Variants in MEGF8 observed in about 807,000 individuals in gnomAD.
MEGF8 encodes multiple epidermal growth factor-like domains protein 8.
In MEGF8, 156 loss-of-function variants were observed where a neutral mutation model predicts 302.9. That is an observed-to-expected ratio of 0.52 (90% CI 0.45 to 0.59). The LOEUF is 0.59. Among genes scored for constraint, MEGF8 ranks in the 20% least tolerant of loss-of-function variants. The pLI is 0.00. For missense variants in MEGF8, 3,345 were observed against 3,964.5 expected (o/e 0.84, Z 4.20); for synonymous variants, 1,621 against 1,660.5 (o/e 0.98, Z 0.58).
Position 42,369,785 on chromosome 19 carries a change from C to T in MEGF8, c.6834+62C>T. On this transcript the variant is annotated intron_variant, in intron 38 of 41. Transcript: ENST00000251268. The surrounding 1 kb of genome is among the most constrained non-coding windows in gnomAD (Gnocchi z 5.7). ...ACCCAGGCCCTCACTTGCCTTCATC[C>T]CACGCTCAGGCGGCTCGCATCTCAT... 6.7e-7 allele frequency: 1 copy of T among 1,502,232 alleles called. No individual in the cohort carries two copies. The highest frequency in any genetic ancestry group is 2.4e-5 in the East Asian group (1 of 40,822). The allele number at this position is 1,502,232 out of a possible 1,614,324, so 93.1% of individuals were successfully genotyped here.
In MEGF8 at chr19:42,356,364, G is replaced by A. The variant is rs768338029; in HGVS notation, c.4533G>A (p.Leu1511=). The A allele has an allele frequency of 6.2e-7, 1 of 1,613,198 alleles. No homozygotes were observed. Among genetic ancestry groups the A allele is most frequent in the Admixed American group, 1.7e-5 (1 of 59,918 alleles). The part of the protein sequence containing the change: ...ADTASRFLHR[L]GHTMVDGPDA... Reference sequence around the variant, plus strand: ...CTGCCAGCCGCTTCCTGCACCGCCTGGGCCACACCATGGTGGATGGACCCG... The same window carrying A: ...CTGCCAGCCGCTTCCTGCACCGCCTAGGCCACACCATGGTGGATGGACCCG... Residue 1511 remains leucine, a synonymous_variant, in exon 26 of 42, where the codon CTG becomes CTA. Transcript: ENST00000251268. The surrounding 1 kb of genome is among the most constrained non-coding windows in gnomAD (Gnocchi z 5.2).
At position 42,337,133 on chromosome 19, in the gene MEGF8, C is replaced by T. The variant is rs767243118; in HGVS notation, c.1440C>T (p.Gly480=). ...AGGAGGAAAAGTGCTACGAAGATGG[C>T]ATCTTCTTCTACCACCTTGGCTGCC... ...HYQEEKCYED[G]IFFYHLGCHQ... Residue 480 remains glycine, a synonymous_variant, in exon 8 of 42, where the codon GGC becomes GGT. Transcript: ENST00000251268. The T allele has an allele frequency of 2.5e-6, 4 of 1,614,008 alleles. No individual in the cohort carries two copies. The highest frequency in any genetic ancestry group is 1.3e-5 in the African/African-American group (1 of 75,046).
Position 42,358,445 on chromosome 19 carries a change from A to G in MEGF8, c.5175+138A>G, listed in dbSNP as rs1030892347. The G allele has an allele frequency of 8.9e-7, 1 of 1,129,414 alleles. No individual in the cohort carries two copies. Among genetic ancestry groups the G allele is most frequent in the Non-Finnish European group, 1.2e-6 (1 of 822,034 alleles). The allele number at this position is 1,129,414 out of a possible 1,614,324, so 70.0% of individuals were successfully genotyped here. A position where few individuals can be genotyped will look rare whatever the true frequency, so the allele number is the denominator to read the frequency against. ...TGTTCCCTAACTAAGCGACACCCCC[A>G]CATCTCCCCCGCTTCCATCCCTGAT... On this transcript the variant is annotated intron_variant, in intron 29 of 41. Transcript: ENST00000251268. The surrounding 1 kb of genome is among the most constrained non-coding windows in gnomAD (Gnocchi z 4.4).
At chr19:42,339,471 T>C (rs2039182081) in intron 8 of MEGF8, among the ~76,000 whole-genome samples, 3 of 152,214 alleles carry the variant, frequency 2.0e-5, no homozygotes, top group Admixed American at 2.0e-4. Flanking sequence ...TGATTAGTGA[T>C]ATTGAGCATT....
At position 42,360,777 on chromosome 19, in the gene MEGF8, T is replaced by C. The variant is rs1270404536; in HGVS notation, c.5491T>C (p.Ser1831Pro). The C allele has an allele frequency of 6.3e-7, 1 of 1,578,398 alleles. No homozygotes were observed. The highest frequency in any genetic ancestry group is 8.6e-7 in the Non-Finnish European group (1 of 1,162,364). ...NAWLLPDLTR[S>P]ASVGPPMEES... is the part of the protein sequence containing the mutation. Reference sequence around the variant, plus strand: ...CTGAATACACCATCTTTCCTCAGGCTCGGCCTCTGTGGGGCCCCCAATGGA... The same window carrying C: ...CTGAATACACCATCTTTCCTCAGGCCCGGCCTCTGTGGGGCCCCCAATGGA... The change falls in exon 32 of 42, where the codon TCG (serine) becomes CCG (proline). Residue 1831 changes from serine (S) to proline (P), a missense_variant and splice_region_variant. Physicochemically the swap from Ser to Pro is moderately conservative, Grantham distance 74. Transcript: ENST00000251268.
In MEGF8 at chr19:42,353,363, C is replaced by G; in HGVS notation, c.3551-102C>G. On this transcript the variant is annotated intron_variant, in intron 20 of 41. Coordinates refer to ENST00000251268, the MANE Select transcript of MEGF8 (RefSeq NM_001271938.2). The surrounding 1 kb of genome is among the most constrained non-coding windows in gnomAD (Gnocchi z 6.1). ...CCTGATCTGGGCCTTGGTTTCTCAC[C>G]TTTGAAGCGGCTGGGTGGGGTCAGG... is the stretch of plus-strand genomic sequence containing the variant. 1 of 1,374,464 alleles carries G rather than the reference C, an allele frequency of 7.3e-7. No homozygotes were observed. The highest frequency in any genetic ancestry group is 9.9e-7 in the Non-Finnish European group (1 of 1,009,012). The allele number at this position is 1,374,464 out of a possible 1,614,324, so 85.1% of individuals were successfully genotyped here.
At position 42,326,094 on chromosome 19, in the gene MEGF8, C is replaced by T; in HGVS notation, c.-150C>T. ...TGTCAGCAGTGGCCGTACCCTTCGC[C>T]GGGACTGCCGGGTCTCCGGGACCTC... On this transcript the variant is annotated 5_prime_UTR_variant, in exon 1 of 42. Transcript: ENST00000251268. The T allele has an allele frequency of 1.5e-6, 2 of 1,293,894 alleles. No individual in the cohort carries two copies. The highest frequency in any genetic ancestry group is 4.0e-5 in the South Asian group (2 of 49,772). The allele number at this position is 1,293,894 out of a possible 1,614,324, so 80.2% of individuals were successfully genotyped here. A position where few individuals can be genotyped will look rare whatever the true frequency, so the allele number is the denominator to read the frequency against.
At chr19:42,332,173 G>A (rs950809073) in intron 1 of MEGF8, among the ~76,000 whole-genome samples, 1 of 152,026 alleles carries the variant, frequency 6.6e-6, no homozygotes, top group African/African-American at 2.4e-5. Context: ...TCACCATTTC[G>A]TGTGCATTAT....
chr19:42,346,282 G>A (rs1205055555), intron 12 of MEGF8, among the ~76,000 whole-genome samples: 1 of 152,274 alleles, frequency 6.6e-6, no homozygotes, highest in East Asian at 1.9e-4. Flanking sequence ...GGCTGGGCAC[G>A]GTGGCTCACG....
chr19:42,350,694 C>G (rs1333184546), intron 15 of MEGF8, among the ~76,000 whole-genome samples: 1 of 152,184 alleles, frequency 6.6e-6, no homozygotes, highest in Non-Finnish European at 1.5e-5. Flanking sequence ...GTCAGGCAGC[C>G]CTCGACACCC....
intron 12 of MEGF8, among the ~76,000 whole-genome samples, chr19:42,347,381 C>T (rs966854420): frequency 3.4e-5 from 5 of 147,488 alleles, no homozygotes; most frequent in African/African-American, 7.6e-5. Flanking sequence ...CAGTGGCAAG[C>T]GATTTCAGCT....
chr19:42,375,465 G>A lies in MEGF8; in HGVS notation c.7270-42G>A, dbSNP rs767460978. The A allele has an allele frequency of 4.6e-5, 69 of 1,507,224 alleles. No individual in the cohort carries two copies. The highest frequency in any genetic ancestry group is 3.5e-4 in the Middle Eastern group (2 of 5,714). The allele number at this position is 1,507,224 out of a possible 1,614,324, so 93.4% of individuals were successfully genotyped here. On this transcript the variant is annotated intron_variant, in intron 41 of 41. Transcript: ENST00000251268. This position sits in a 1 kb window ranked among gnomAD's most constrained non-coding sequence, Gnocchi z 7.1. ...GCTGCTTGGGGGACAGGCTGGCACC[G>A]CACTCAGCCCTGATGGTCACCGCCT... is the stretch of plus-strand genomic sequence containing the variant.
chr19:42,365,506 C>A (rs1482244620), intron 35 of MEGF8, among the ~76,000 whole-genome samples: 2 of 151,346 alleles, frequency 1.3e-5, no homozygotes, highest in African/African-American at 4.9e-5. Flanking sequence ...TGGCTCAGGC[C>A]TGTAATCCCA....
chr19:42,338,642 T>G (rs7260287), intron 8 of MEGF8, among the ~76,000 whole-genome samples: 12,773 of 152,150 alleles, frequency 0.084, 689 homozygotes, highest in Middle Eastern at 0.17. Context: ...CTCGATGTTT[T>G]GTTCCCACTT....
chr19:42,364,190 A>C (rs1162762996), intron 35 of MEGF8, among the ~76,000 whole-genome samples: 1 of 152,102 alleles, frequency 6.6e-6, no homozygotes, highest in Non-Finnish European at 1.5e-5. Flanking sequence ...CACCCCTTGG[A>C]GTGCCTGGCA....
chr19:42,374,241 C>T (rs1000541506), intron 41 of MEGF8, among the ~76,000 whole-genome samples: 7 of 151,994 alleles, frequency 4.6e-5, no homozygotes, highest in Non-Finnish European at 8.8e-5. Flanking sequence ...GAGGCTGAGG[C>T]GGGCAGATCA....
At position 42,354,230 on chromosome 19, in the gene MEGF8, A is replaced by G. The variant is rs545490743; in HGVS notation, c.4011+206A>G. On this transcript the variant is annotated intron_variant, in intron 22 of 41. Transcript: ENST00000251268. This position sits in a 1 kb window ranked among gnomAD's most constrained non-coding sequence, Gnocchi z 4.3. ...CCCCCCATTTCCCAGATAGCTTCCT[A>G]TTTCCTCAGCTCCCATCTCCAATTC... 3.2e-4 allele frequency among the ~76,000 whole-genome samples: 48 copies of G among 149,826 alleles called. No homozygotes were observed. The highest frequency in any genetic ancestry group is 7.4e-5 in the Non-Finnish European group (5 of 67,584).
Position 42,351,718 on chromosome 19 carries a change from G to T in MEGF8, c.3058G>T (p.Glu1020Ter). 6.3e-7 allele frequency: 1 copy of T among 1,594,560 alleles called. No individual in the cohort carries two copies. The highest frequency in any genetic ancestry group is 2.3e-5 in the East Asian group (1 of 43,740). The change falls in exon 18 of 42, where the codon GAG (glutamate) becomes TAG (stop). Residue 1020 changes from glutamate to a stop codon, truncating the protein, a stop_gained. Coordinates refer to ENST00000251268, the MANE Select transcript of MEGF8 (RefSeq NM_001271938.2). LOFTEE classifies it high-confidence loss of function. The surrounding 1 kb of genome is among the most constrained non-coding windows in gnomAD (Gnocchi z 5.6). ...LTCHECLQSH[E>*]CGWCGNEDNP... is the part of the protein sequence containing the mutation. Reference sequence around the variant, plus strand: ...CTGCCATGAGTGTCTGCAGAGCCACGAGTGTGGCTGGTGTGGCAATGAGGA... The same window carrying T: ...CTGCCATGAGTGTCTGCAGAGCCACTAGTGTGGCTGGTGTGGCAATGAGGA...
intron 41 of MEGF8, among the ~76,000 whole-genome samples, chr19:42,374,072 A>G (rs1273217705): frequency 6.6e-6 from 1 of 152,106 alleles, no homozygotes; most frequent in African/African-American, 2.4e-5. Flanking sequence ...CCTGCCACAG[A>G]GCTGGATGCT....
Sources: allele counts gnomAD v4.1 joint callset (sites outside exome capture counted in the v4.1 genomes callset), GRCh38; gene constraint gnomAD v4.1.1; non-coding constraint Gnocchi (gnomAD v3.1); transcripts MANE v1.5; gene names NCBI Gene and HGNC (gene_info 2026-07-23, HGNC 2026-07-21).